The following TSC22D1 variants were observed in gnomAD, a reference collection of about 807,000 sequenced individuals.
TSC22D1 encodes the protein TSC22 domain family protein 1.
A neutral mutation model predicts 74.2 loss-of-function variants in TSC22D1; 9 were observed. The ratio of observed to expected loss-of-function variants is 0.12; its 90% CI spans 0.07 to 0.21. The LOEUF (loss-of-function observed/expected upper bound fraction) is 0.21. Among genes scored for constraint, TSC22D1 ranks in the 10% least tolerant of loss-of-function variants. TSC22D1 has a pLI of 1.00. For missense variants in TSC22D1, 1,427 were observed against 1,304.7 expected, an observed-to-expected ratio of 1.09 and a Z score of -1.44; for synonymous variants, 586 against 492.5, an observed-to-expected ratio of 1.19 and a Z score of -2.51.
At chr13:44,571,245 T>C (rs1595178332) in intron 1 of TSC22D1, among the ~76,000 whole-genome samples, 1 of 152,224 alleles carries the variant, frequency 6.6e-6, no homozygotes, top group Non-Finnish European at 1.5e-5. Context: ...TCTCAGTATG[T>C]CTTTTTGTCC....
At chr13:44,537,487 C>T (rs1881218786) in intron 1 of TSC22D1, 1 of 984,988 alleles carries the variant, frequency 1.0e-6, no homozygotes. Context: ...CTTATAATCT[C>T]ACAGGCCACA....
intron 1 of TSC22D1, among the ~76,000 whole-genome samples, chr13:44,475,782 A>T (rs1329556076): frequency 6.6e-6 from 1 of 152,200 alleles, no homozygotes; most frequent in Non-Finnish European, 1.5e-5. Flanking sequence ...AAATTAAATC[A>T]ATATAATAGT....
intron 1 of TSC22D1, among the ~76,000 whole-genome samples, chr13:44,441,659 A>C (rs1204575329): frequency 6.6e-6 from 1 of 152,152 alleles, no homozygotes; most frequent in African/African-American, 2.4e-5. Flanking sequence ...TAAAACTTAA[A>C]AGTGGCTGCG....
chr13:44,575,259 T>A lies in TSC22D1; in HGVS notation c.816A>T (p.Thr272=), dbSNP rs1884131665. The A allele has an allele frequency of 6.2e-7, 1 of 1,613,928 alleles. No individual in the cohort carries two copies. Among genetic ancestry groups the A allele is most frequent in the Admixed American group, 1.7e-5 (1 of 59,994 alleles). ...ATACAGCAGAAGTTGGTGCAACTGGTGTGATACTGTCAGAGCTTCCAGTTG... is the reference window on the plus strand; with the variant it reads ...ATACAGCAGAAGTTGGTGCAACTGGAGTGATACTGTCAGAGCTTCCAGTTG... ...LSTTGSSDSI[T]PVAPTSAVSS... is the part of the protein sequence containing the mutation. Residue 272 remains threonine, a synonymous_variant, in exon 1 of 3, where the codon ACA becomes ACT. Transcript: ENST00000458659.
chr13:44,486,318 G>C (rs573627721), intron 1 of TSC22D1, among the ~76,000 whole-genome samples: 1 of 152,150 alleles, frequency 6.6e-6, no homozygotes, highest in East Asian at 1.9e-4. Flanking sequence ...AGATACCACT[G>C]GCAATATTAA....
rs1317600150 is a variant in TSC22D1, at chr13:44,434,087, G to A, written c.*539C>T. On this transcript the variant is annotated 3_prime_UTR_variant, in exon 3 of 3. Coordinates refer to ENST00000458659, the MANE Select transcript of TSC22D1 (RefSeq NM_183422.4). ...GTCATCCATTGTTTGAGAAGAAAGA[G>A]GCACAGTACTATTGTTTTTTATGAA... 6.6e-7 allele frequency: 1 copy of A among 1,522,292 alleles called. No homozygotes were observed. Among genetic ancestry groups the A allele is most frequent in the Non-Finnish European group, 8.7e-7 (1 of 1,143,766 alleles). The allele number at this position is 1,522,292 out of a possible 1,614,324, so 94.3% of individuals were successfully genotyped here. A position where few individuals can be genotyped will look rare whatever the true frequency, so the allele number is the denominator to read the frequency against.
chr13:44,440,371 G>C (rs1199436872), intron 1 of TSC22D1, among the ~76,000 whole-genome samples: 1 of 152,010 alleles, frequency 6.6e-6, no homozygotes, highest in Non-Finnish European at 1.5e-5. Flanking sequence ...TTGAGGTCAG[G>C]AGTTCAAGAC....
At chr13:44,436,646 C>T (rs751902638) in intron 1 of TSC22D1, 1 of 1,601,280 alleles carries the variant, frequency 6.2e-7, no homozygotes, top group Non-Finnish European at 8.5e-7. Flanking sequence ...CAGCCAAAAA[C>T]ACCCTCGTGG....
intron 1 of TSC22D1, among the ~76,000 whole-genome samples, chr13:44,479,800 T>C (rs1342461525): frequency 2.0e-5 from 3 of 152,242 alleles, no homozygotes. Flanking sequence ...TCAATTTCTG[T>C]GTATCAAATA....
chr13:44,503,688 A>G (rs1879316383), intron 1 of TSC22D1, among the ~76,000 whole-genome samples: 1 of 152,212 alleles, frequency 6.6e-6, no homozygotes, highest in Non-Finnish European at 1.5e-5. Flanking sequence ...AAGGTTGTAA[A>G]GACAAATGAA....
intron 1 of TSC22D1, chr13:44,536,937 A>C (rs1300120468): frequency 8.6e-6 from 7 of 812,466 alleles, no homozygotes; most frequent in East Asian, 1.4e-4. Context: ...AAAAAAAAAA[A>C]AAAAAAAAAA....
intron 1 of TSC22D1, among the ~76,000 whole-genome samples, chr13:44,495,778 T>C (rs1167934983): frequency 6.6e-6 from 1 of 152,204 alleles, no homozygotes; most frequent in Non-Finnish European, 1.5e-5. Context: ...TTTTAATAAA[T>C]GGTGCTGGCA....
chr13:44,472,075 TATTGTTATA>T (rs1387630746), intron 1 of TSC22D1, among the ~76,000 whole-genome samples: 1 of 152,240 alleles, frequency 6.6e-6, no homozygotes, highest in African/African-American at 2.4e-5. Flanking sequence ...AATGCTGGCA[TATTGTTATA>T]ATTGTTCTAT....
intron 1 of TSC22D1, chr13:44,436,691 C>A: frequency 6.5e-7 from 1 of 1,544,032 alleles, no homozygotes. Flanking sequence ...CTTGTATAAG[C>A]TAGATAAAAT....
At chr13:44,517,848 T>TA (rs1880109730) in intron 1 of TSC22D1, among the ~76,000 whole-genome samples, 1 of 32,716 alleles carries the variant, frequency 3.1e-5, no homozygotes, top group Non-Finnish European at 9.3e-5. Context: ...TATATATATA[T>TA]ATATATATAT....
chr13:44,471,549 A>T (rs1012473312), intron 1 of TSC22D1, among the ~76,000 whole-genome samples: 1 of 152,336 alleles, frequency 6.6e-6, no homozygotes, highest in Middle Eastern at 3.4e-3. Context: ...TATCTTTACT[A>T]AACTTATAAT....
chr13:44,433,929 A>G lies in TSC22D1; in HGVS notation c.*697T>C. The G allele has an allele frequency of 6.8e-7, 1 of 1,476,056 alleles. No individual in the cohort carries two copies. Among genetic ancestry groups the G allele is most frequent in the East Asian group, 2.5e-5 (1 of 39,708 alleles). The allele number at this position is 1,476,056 out of a possible 1,614,324, so 91.4% of individuals were successfully genotyped here. ...AAATTTCAATCTGTACAACCTAAAT[A>G]GTAGTTACAGTCCTCTATTGTACAA... On this transcript the variant is annotated 3_prime_UTR_variant, in exon 3 of 3. Transcript: ENST00000458659.
At chr13:44,466,499 T>C (rs1044410229) in intron 1 of TSC22D1, among the ~76,000 whole-genome samples, 1 of 152,248 alleles carries the variant, frequency 6.6e-6, no homozygotes, top group African/African-American at 2.4e-5. Context: ...CCGGGCATAG[T>C]GGCTCATGCC....
chr13:44,520,418 G>A (rs2138038103), intron 1 of TSC22D1, among the ~76,000 whole-genome samples: 1 of 152,268 alleles, frequency 6.6e-6, no homozygotes, highest in Non-Finnish European at 1.5e-5. Flanking sequence ...ATTTCAGTGA[G>A]GTTATCAGAG....
Sources: gnomAD v4.1 joint callset for allele counts (sites outside exome capture counted in the v4.1 genomes callset) on GRCh38, gnomAD v4.1.1 for gene constraint, MANE v1.5 for transcripts, NCBI Gene and HGNC (gene_info 2026-07-23, HGNC 2026-07-21) for gene names.